Variants in CDH8 observed in about 807,000 individuals in gnomAD.
CDH8 encodes the protein cadherin 8.
In CDH8, 17 loss-of-function variants were observed where a neutral mutation model predicts 68.1. The observed-to-expected ratio is 0.25, with a 90% confidence interval of 0.17 to 0.37. The LOEUF is 0.37. Among genes scored for constraint, CDH8 ranks in the 10% least tolerant of loss-of-function variants. CDH8 has a pLI of 1.00. For synonymous variants in CDH8, 372 were observed against 365.1 expected (o/e 1.02, Z -0.21); for missense variants, 763 against 999.3 (o/e 0.76, Z 3.19).
chr16:61,762,075 G>A (rs1582999), intron 8 of CDH8, among the ~76,000 whole-genome samples: 24,829 of 152,108 alleles, frequency 0.16, 2,168 homozygotes, highest in Middle Eastern at 0.21. Flanking sequence ...AACTAAAGAC[G>A]GGAGGTGAGG....
At chr16:61,747,510 T>C (rs1460291912) in intron 8 of CDH8, among the ~76,000 whole-genome samples, 1 of 152,056 alleles carries the variant, frequency 6.6e-6, no homozygotes, top group Non-Finnish European at 1.5e-5. Context: ...AAATTTTCAA[T>C]ATAGAGCAAC....
chr16:62,009,919 A>G (rs1901765820), intron 2 of CDH8, among the ~76,000 whole-genome samples: 1 of 152,172 alleles, frequency 6.6e-6, no homozygotes, highest in African/African-American at 2.4e-5. Flanking sequence ...CATCAGCATG[A>G]TCACTTTTAA....
chr16:61,667,996 A>G (rs1963714018), intron 10 of CDH8, among the ~76,000 whole-genome samples: 1 of 152,040 alleles, frequency 6.6e-6, no homozygotes, highest in South Asian at 2.1e-4. Context: ...AAGCTCAAGG[A>G]TAAGAGAAAA....
intron 10 of CDH8, among the ~76,000 whole-genome samples, chr16:61,662,122 G>A (rs1421841687): frequency 5.4e-5 from 2 of 37,122 alleles, no homozygotes; most frequent in African/African-American, 2.1e-4. Context: ...TTGTTTGTTT[G>A]TTTTATTTGC....
In CDH8 at chr16:61,653,896, C is replaced by A. The variant is rs750596827; in HGVS notation, c.2112G>T (p.Leu704Phe). The stretch of plus-strand genomic sequence containing the variant: ...CAAGCCCTTGCCTTGGCATAAACTG[C>A]AAATCTGGTTTAATATCCTTACGGG... ...FLPRKDIKPDLQFMPRQGLAP... is the reference protein window; with the variant it reads ...FLPRKDIKPDFQFMPRQGLAP... The change falls in exon 12 of 12, where the codon TTG becomes TTT. Residue 704 changes from leucine (L) to phenylalanine (F), a missense_variant. Transcript: ENST00000577390. 1 of 1,614,182 alleles carries A rather than the reference C, an allele frequency of 6.2e-7. No individual in the cohort carries two copies.
intron 2 of CDH8, among the ~76,000 whole-genome samples, chr16:61,917,353 C>A (rs1297227681): frequency 6.6e-6 from 1 of 152,156 alleles, no homozygotes; most frequent in Admixed American, 6.5e-5. Context: ...GGGAATGCAA[C>A]ATCCTGAGAT....
chr16:61,696,694 A>G (rs1254271423), intron 10 of CDH8, among the ~76,000 whole-genome samples: 1 of 152,222 alleles, frequency 6.6e-6, no homozygotes, highest in African/African-American at 2.4e-5. Context: ...ATCAACTTAG[A>G]TGGCCAGCAA....
chr16:61,879,889 G>A (rs1963536702), intron 3 of CDH8, among the ~76,000 whole-genome samples: 1 of 144,868 alleles, frequency 6.9e-6, no homozygotes, highest in South Asian at 2.2e-4. Context: ...GGAAAATCCA[G>A]AAGAATATGA....
chr16:61,853,716 T>C (rs970598844), intron 4 of CDH8, among the ~76,000 whole-genome samples: 1 of 152,066 alleles, frequency 6.6e-6, no homozygotes, highest in Non-Finnish European at 1.5e-5. Context: ...AGGTAACGAG[T>C]CTCTGCTCAT....
chr16:61,884,340 T>C lies in CDH8; in HGVS notation c.547+16839A>G, dbSNP rs193190048. 1.4e-3 allele frequency among the ~76,000 whole-genome samples: 217 copies of C among 152,090 alleles called. 2 individuals carry two copies. The highest frequency in any genetic ancestry group is 1.3e-3 in the Non-Finnish European group (86 of 67,990). ...CACTTTATAATGGTCAACTTCCACG[T>C]GATGAATAGTAAGTATATTTTACCT... On this transcript the variant is annotated intron_variant, in intron 3 of 11. Transcript: ENST00000577390.
At chr16:62,002,157 C>T (rs578019016) in intron 2 of CDH8, among the ~76,000 whole-genome samples, 2 of 151,924 alleles carry the variant, frequency 1.3e-5, no homozygotes, top group South Asian at 2.1e-4. Flanking sequence ...TTTGTCAACA[C>T]TTCAGAAAAA....
chr16:61,931,738 T>G (rs1964542351), intron 2 of CDH8, among the ~76,000 whole-genome samples: 1 of 152,178 alleles, frequency 6.6e-6, no homozygotes, highest in Admixed American at 6.5e-5. Flanking sequence ...AGCAAAATGT[T>G]AGACAAAAAT....
chr16:61,669,678 C>G (rs893462560), intron 10 of CDH8, among the ~76,000 whole-genome samples: 2 of 152,014 alleles, frequency 1.3e-5, no homozygotes, highest in Non-Finnish European at 2.9e-5. Context: ...AGTCTCTGCT[C>G]CCATACACTG....
intron 2 of CDH8, among the ~76,000 whole-genome samples, chr16:61,972,808 C>T (rs1202468085): frequency 6.6e-6 from 1 of 152,014 alleles, no homozygotes; most frequent in African/African-American, 2.4e-5. Context: ...CCTGTAGGTG[C>T]CAGCAACTAT....
intron 10 of CDH8, among the ~76,000 whole-genome samples, chr16:61,700,478 A>G (rs113703969): frequency 0.21 from 32,089 of 151,772 alleles, 3,741 homozygotes; most frequent in Middle Eastern, 0.29. Context: ...ACAGGGTTTC[A>G]CCATGTTGGC....
intron 3 of CDH8, among the ~76,000 whole-genome samples, chr16:61,884,339 G>A (rs79027597): frequency 0.014 from 2,106 of 151,758 alleles, 12 homozygotes; most frequent in African/African-American, 0.015. Context: ...CAACTTCCAC[G>A]TGATGAATAG....
At chr16:61,933,449 T>C (rs143890251) in intron 2 of CDH8, among the ~76,000 whole-genome samples, 2 of 152,316 alleles carry the variant, frequency 1.3e-5, no homozygotes, top group Non-Finnish European at 2.9e-5. Context: ...TGTCCAGACA[T>C]GTATTTTTGA....
intron 1 of CDH8, among the ~76,000 whole-genome samples, chr16:62,033,751 G>C (rs1902383358): frequency 1.3e-5 from 2 of 152,072 alleles, no homozygotes. Flanking sequence ...TCAGAATGAG[G>C]AAGGTGAACT....
At chr16:61,694,438 G>C (rs1477429601) in intron 10 of CDH8, among the ~76,000 whole-genome samples, 2 of 152,106 alleles carry the variant, frequency 1.3e-5, no homozygotes, top group Non-Finnish European at 2.9e-5. Flanking sequence ...AGTCATAATG[G>C]GGATGATGGA....
Sources: gnomAD v4.1 joint callset for allele counts (sites outside exome capture counted in the v4.1 genomes callset) on GRCh38, gnomAD v4.1.1 for gene constraint, MANE v1.5 for transcripts, NCBI Gene and HGNC (gene_info 2026-07-23, HGNC 2026-07-21) for gene names.